Variants in CFH observed in about 807,000 individuals in gnomAD.
CFH encodes H factor 1 (complement).
CFH carries 53 observed loss-of-function variants against 147.3 expected under a neutral mutation model. That is an observed-to-expected ratio of 0.36 (90% CI 0.29 to 0.45). The LOEUF is 0.45. CFH is among the 20% of genes least tolerant of loss of function. The pLI is 1.00. For synonymous variants in CFH, 536 were observed against 489.4 expected (o/e 1.10, Z -1.26); for missense variants, 1,380 against 1,498.0 (o/e 0.92, Z 1.30).
intron 1 of CFH, among the ~76,000 whole-genome samples, chr1:196,658,978 T>C (rs1666812578): frequency 6.6e-6 from 1 of 152,264 alleles, no homozygotes; most frequent in Non-Finnish European, 1.5e-5. Context: ...AAACGTAAGA[T>C]GAAGTATTCA....
Position 196,690,133 on chromosome 1 carries a change from A to C in CFH, c.1230A>C (p.Lys410Asn), listed in dbSNP as rs1667974005. The change falls in exon 9 of 22, where the codon AAA becomes AAC. Residue 410 changes from lysine to asparagine, a missense_variant. Physicochemically the swap from Lys to Asn is moderately conservative, Grantham distance 94. This residue lies in a region of CFH where 830 missense variants were observed against 821.4 expected (regional missense o/e 1.01). Coordinates refer to ENST00000367429, the MANE Select transcript of CFH (RefSeq NM_000186.4). ...ATGGAAGAAAGTTTGTACAGGGTAA[A>C]TCTATAGACGTTGCCTGCCATCCTG... is the stretch of plus-strand genomic sequence containing the variant. ...QNHGRKFVQG[K>N]SIDVACHPGY... The C allele has an allele frequency of 6.2e-7, 1 of 1,613,074 alleles. No individual in the cohort carries two copies.
At position 196,737,004 on chromosome 1, in the gene CFH, T is replaced by C. The variant is rs1669421167; in HGVS notation, c.2594T>C (p.Val865Ala). The C allele has an allele frequency of 1.2e-6, 2 of 1,608,302 alleles. No individual in the cohort carries two copies. Among genetic ancestry groups the C allele is most frequent in the Non-Finnish European group, 8.5e-7 (1 of 1,175,968 alleles). ...AGATGGCAGTCAATACCACTCTGTG[T>C]TGGTCAGTAGTGTATAATTTGTTTT... ...DGRWQSIPLC[V>A]EKIPCSQPPQ... The change falls in exon 16 of 22, where the codon GTT (valine) becomes GCT (alanine). Residue 865 changes from valine to alanine, a missense_variant and splice_region_variant. Val to Ala is a moderately conservative substitution (Grantham distance 64). Coordinates refer to ENST00000367429, the MANE Select transcript of CFH (RefSeq NM_000186.4).
chr1:196,690,461 A>G, intron 9 of CFH: 2 of 626,672 alleles, frequency 3.2e-6, no homozygotes, highest in Admixed American at 4.9e-5. Context: ...GGCATTAGTC[A>G]AGAATACAGT....
intron 8 of CFH, 63 bp from the exon 9 acceptor site, chr1:196,690,000 C>G: frequency 6.8e-7 from 1 of 1,460,622 alleles, no homozygotes; most frequent in Non-Finnish European, 9.4e-7. Context: ...TTGTAATATA[C>G]TATTTTGAGC....
At chr1:196,732,556 T>C (rs1183073168) in intron 15 of CFH, among the ~76,000 whole-genome samples, 1 of 152,060 alleles carries the variant, frequency 6.6e-6, no homozygotes, top group African/African-American at 2.4e-5. Context: ...TCACAGTGTT[T>C]CTATGCAATA....
At chr1:196,681,155 G>A (rs774963170) in intron 6 of CFH, among the ~76,000 whole-genome samples, 3 of 151,848 alleles carry the variant, frequency 2.0e-5, no homozygotes, top group Non-Finnish European at 4.4e-5. Flanking sequence ...TAATCAAAAT[G>A]TAACTTATAA....
intron 1 of CFH, among the ~76,000 whole-genome samples, chr1:196,661,187 T>C (rs943857471): frequency 3.3e-5 from 5 of 152,222 alleles, no homozygotes; most frequent in Admixed American, 1.3e-4. Flanking sequence ...TCACATATTA[T>C]ATGAGTTCAC....
At chr1:196,701,041 C>G (rs896278163) in intron 9 of CFH, among the ~76,000 whole-genome samples, 1 of 152,136 alleles carries the variant, frequency 6.6e-6, no homozygotes, top group Non-Finnish European at 1.5e-5. Flanking sequence ...GATCTCCCTT[C>G]AGATGGAAAA....
At chr1:196,668,606 T>C (rs1485603750) in intron 1 of CFH, among the ~76,000 whole-genome samples, 6 of 152,254 alleles carry the variant, frequency 3.9e-5, no homozygotes, top group South Asian at 2.1e-4. Context: ...GTTCTCATGA[T>C]AGTGAGTGAG....
At chr1:196,700,827 G>T (rs1436508975) in intron 9 of CFH, 10 of 985,212 alleles carry the variant, frequency 1.0e-5, no homozygotes, top group Non-Finnish European at 1.2e-5. Context: ...TGTTGGCAGG[G>T]CAGTGCTGAC....
At chr1:196,733,610 C>T (rs551232403) in intron 15 of CFH, among the ~76,000 whole-genome samples, 1 of 152,088 alleles carries the variant, frequency 6.6e-6, no homozygotes, top group African/African-American at 2.4e-5. Context: ...ATATAAAACG[C>T]CATTTCTTTT....
chr1:196,670,590 C>T (rs578033835), intron 1 of CFH, among the ~76,000 whole-genome samples: 11 of 152,274 alleles, frequency 7.2e-5, no homozygotes, highest in Admixed American at 5.2e-4. Context: ...TTTCCTTCCC[C>T]TTCCACCATG....
chr1:196,697,699 T>G (rs1016753051), intron 9 of CFH, among the ~76,000 whole-genome samples: 1 of 152,068 alleles, frequency 6.6e-6, no homozygotes, highest in Non-Finnish European at 1.5e-5. Context: ...TAAAGACACA[T>G]GTACACGTAT....
chr1:196,735,229 C>T (rs1669373054), intron 15 of CFH, among the ~76,000 whole-genome samples: 2 of 151,942 alleles, frequency 1.3e-5, no homozygotes, highest in African/African-American at 4.8e-5. Context: ...TGTTTAATTT[C>T]AAAATATTTG....
Position 196,712,300 on chromosome 1 carries a change from T to C in CFH, c.1337-1435T>C, listed in dbSNP as rs141260723. On this transcript the variant is annotated intron_variant, in intron 9 of 21. Transcript: ENST00000367429. ...TTGTTTTCTATTTGGTTTCTTCTCA[T>C]ATTTGGATTTGTTTCAAAATTTATA... is the stretch of plus-strand genomic sequence containing the variant. Among the ~76,000 whole-genome samples, 4 of 152,078 alleles carry C rather than the reference T, an allele frequency of 2.6e-5. No individual in the cohort carries two copies. The East Asian group carries it at 7.7e-4, about 29-fold the overall frequency.
At chr1:196,681,030 A>T (rs1317587617) in intron 6 of CFH, among the ~76,000 whole-genome samples, 1 of 151,882 alleles carries the variant, frequency 6.6e-6, no homozygotes, top group Non-Finnish European at 1.5e-5. Flanking sequence ...TCTTCATGGC[A>T]TTCGTAGTTC....
At chr1:196,719,618 T>G (rs1490652003) in intron 11 of CFH, among the ~76,000 whole-genome samples, 1 of 151,848 alleles carries the variant, frequency 6.6e-6, no homozygotes, top group African/African-American at 2.4e-5. Context: ...AATTCTAGCT[T>G]GTACTTTTCT....
Position 196,685,145 on chromosome 1 carries a change from C to T in CFH, c.872C>T (p.Thr291Met), listed in dbSNP as rs753464350. 8 of 1,612,276 alleles carry T rather than the reference C, an allele frequency of 5.0e-6. No individual in the cohort carries two copies. The highest frequency in any genetic ancestry group is 1.7e-5 in the Admixed American group (1 of 59,844). Residue 291 changes from threonine to methionine, a missense_variant, in exon 7 of 22, where the codon ACG becomes ATG. By Grantham distance (81) the Thr-to-Met change is moderately conservative. Coordinates refer to ENST00000367429, the MANE Select transcript of CFH (RefSeq NM_000186.4). ...RIKHRTGDEI[T>M]YQCRNGFYPA... is the part of the protein sequence containing the mutation. ...AAACACAGAACTGGAGATGAAATCA[C>T]GTACCAGTGTAGAAATGGTTTTTAT...
intron 9 of CFH, among the ~76,000 whole-genome samples, chr1:196,706,519 C>T (rs1052534961): frequency 6.6e-6 from 1 of 152,112 alleles, no homozygotes; most frequent in African/African-American, 2.4e-5. Context: ...AAAATCCCTA[C>T]CTAATGGAAG....
Sources: allele counts gnomAD v4.1 joint callset (sites outside exome capture counted in the v4.1 genomes callset), GRCh38; gene constraint gnomAD v4.1.1; regional missense constraint gnomAD v4.1.1; transcripts MANE v1.5; gene names NCBI Gene and HGNC (gene_info 2026-07-23, HGNC 2026-07-21).